LOXHD1: variants seen among roughly 807,000 people sequenced by gnomAD.
LOXHD1 encodes lipoxygenase homology domain-containing protein 1.
Under a neutral mutation model 248.2 loss-of-function variants are expected in LOXHD1, and 205 were observed. The observed-to-expected ratio is 0.83, with a 90% CI of 0.74 to 0.93. The LOEUF (loss-of-function observed/expected upper bound fraction) is 0.93. LOXHD1 is among the 40% of genes least tolerant of loss of function. The probability of loss-of-function intolerance (pLI) is 0.00; values close to 1 mark genes in which losing one functional copy is unlikely to be tolerated. For missense variants in LOXHD1, 2,930 were observed against 2,971.6 expected, an observed-to-expected ratio of 0.99 and a Z score of 0.33; for synonymous variants, 1,113 against 1,162.8, an observed-to-expected ratio of 0.96 and a Z score of 0.87.
At chr18:46,628,381 C>T (rs1266943087) in intron 4 of LOXHD1, among the ~76,000 whole-genome samples, 1 of 152,176 alleles carries the variant, frequency 6.6e-6, no homozygotes, top group Admixed American at 6.5e-5. Flanking sequence ...CCTCCCTACC[C>T]TGGAGTCCTT....
In LOXHD1 at chr18:46,541,776, A is replaced by T. The variant is rs933229702; in HGVS notation, c.3913T>A (p.Phe1305Ile). 1.3e-6 allele frequency: 2 copies of T among 1,551,532 alleles called. No individual in the cohort carries two copies. Among genetic ancestry groups the T allele is most frequent in the Non-Finnish European group, 1.7e-6 (2 of 1,146,976 alleles). Residue 1305 changes from phenylalanine (F) to isoleucine (I), a missense_variant and splice_region_variant, in exon 25 of 41, where the codon TTT (phenylalanine) becomes ATT (isoleucine). Transcript: ENST00000642948. ...AELQTRLYTP[F>I]VPYEITLYTS... ...TGGCCTTGCCGTGTGTGGTTCCTAC[A>T]TGGTGTGTACAGCCTCGTCTGAAGC...
chr18:46,543,993 G>C (rs1225854459), intron 23 of LOXHD1, among the ~76,000 whole-genome samples: 3 of 152,202 alleles, frequency 2.0e-5, no homozygotes, highest in Admixed American at 6.5e-5. Flanking sequence ...TCAGTCCTGA[G>C]ACTGCCTGTA....
intron 14 of LOXHD1, 149 bp downstream of exon 14, chr18:46,577,558 A>T (rs1441594483): frequency 1.6e-5 from 13 of 802,370 alleles, no homozygotes; most frequent in African/African-American, 5.2e-5. Flanking sequence ...AGGTCTAAGC[A>T]CCACCAGCGA....
intron 37 of LOXHD1, among the ~76,000 whole-genome samples, chr18:46,491,714 T>G (rs2033491244): frequency 6.6e-6 from 1 of 152,198 alleles, no homozygotes; most frequent in Admixed American, 6.5e-5. Flanking sequence ...CAATTACACT[T>G]TCCGGGCTCC....
chr18:46,535,614 G>C (rs2036276548), intron 26 of LOXHD1, among the ~76,000 whole-genome samples: 1 of 151,914 alleles, frequency 6.6e-6, no homozygotes, highest in Non-Finnish European at 1.5e-5. Context: ...TGTTGCCCAG[G>C]CTGGAGTGCA....
chr18:46,543,337 T>G (rs1051245945), intron 23 of LOXHD1, among the ~76,000 whole-genome samples: 3 of 152,220 alleles, frequency 2.0e-5, no homozygotes, highest in Admixed American at 6.5e-5. Flanking sequence ...AATTGTTGTA[T>G]AAGACATTAT....
chr18:46,497,673 T>C (rs1344137599), intron 37 of LOXHD1, among the ~76,000 whole-genome samples: 1 of 152,210 alleles, frequency 6.6e-6, no homozygotes, highest in South Asian at 2.1e-4. Flanking sequence ...ATATATTAAG[T>C]CCTTATTATA....
intron 21 of LOXHD1, among the ~76,000 whole-genome samples, chr18:46,550,000 CTAGT>C (rs1368684776): frequency 6.6e-6 from 1 of 152,252 alleles, no homozygotes; most frequent in East Asian, 1.9e-4. Flanking sequence ...AAAAATGCAG[CTAGT>C]TAGAGTATTG....
chr18:46,542,861 G>T lies in LOXHD1; in HGVS notation c.3620-6C>A. The T allele has an allele frequency of 6.4e-7, 1 of 1,551,616 alleles. No homozygotes were observed. Among genetic ancestry groups the T allele is most frequent in the Non-Finnish European group, 8.7e-7 (1 of 1,147,006 alleles). On this transcript the variant is annotated splice_region_variant and splice_polypyrimidine_tract_variant and intron_variant, in intron 23 of 40. Transcript: ENST00000642948. ...GGACTTCAGGAGGGTCATTCCTGTGGATCAGATGACCCCAGCATGACTGGC... is the reference window on the plus strand; with the variant it reads ...GGACTTCAGGAGGGTCATTCCTGTGTATCAGATGACCCCAGCATGACTGGC...
At chr18:46,600,899 T>C (rs1247719407) in intron 8 of LOXHD1, among the ~76,000 whole-genome samples, 1 of 152,226 alleles carries the variant, frequency 6.6e-6, no homozygotes, top group African/African-American at 2.4e-5. Context: ...TACTTTAAAA[T>C]ACTTATTGAT....
chr18:46,524,671 G>T, intron 30 of LOXHD1, 37 bp downstream of exon 30: 3 of 1,551,362 alleles, frequency 1.9e-6, no homozygotes, highest in Non-Finnish European at 2.6e-6. Context: ...CCCTAGGCAT[G>T]AGGATGGCCA....
At chr18:46,577,354 T>C (rs1457283901) in intron 14 of LOXHD1, among the ~76,000 whole-genome samples, 1 of 152,214 alleles carries the variant, frequency 6.6e-6, no homozygotes, top group African/African-American at 2.4e-5. Context: ...AAAAAAACTT[T>C]TGATTTAAAA....
chr18:46,490,811 A>G (rs2033419257), intron 37 of LOXHD1, among the ~76,000 whole-genome samples: 1 of 152,162 alleles, frequency 6.6e-6, no homozygotes, highest in Non-Finnish European at 1.5e-5. Context: ...TTCTTAACTC[A>G]ATTAATCTTT....
intron 37 of LOXHD1, among the ~76,000 whole-genome samples, chr18:46,498,739 GATCTC>G (rs944116862): frequency 1.3e-5 from 2 of 152,134 alleles, no homozygotes; most frequent in Non-Finnish European, 2.9e-5. Context: ...AATCCATGGT[GATCTC>G]ATCTCAAGAT....
chr18:46,648,188 G>A (rs1043065379), intron 2 of LOXHD1, among the ~76,000 whole-genome samples: 10 of 152,156 alleles, frequency 6.6e-5, no homozygotes, highest in Admixed American at 1.3e-4. Context: ...AACCTGGGAG[G>A]TGGAGGTTGC....
intron 15 of LOXHD1, among the ~76,000 whole-genome samples, chr18:46,569,979 C>T (rs1461835675): frequency 1.3e-5 from 2 of 152,232 alleles, no homozygotes; most frequent in Non-Finnish European, 2.9e-5. Flanking sequence ...TCTGGTCTAG[C>T]TTCTCTGACA....
At chr18:46,591,793 G>A in intron 12 of LOXHD1, 140 bp downstream of exon 12, 1 of 1,038,112 alleles carries the variant, frequency 9.6e-7, no homozygotes, top group South Asian at 1.6e-5. Context: ...TTGAGGCAGG[G>A]ACCTTCCAAA....
At chr18:46,650,374 G>A (rs1209846349) in intron 1 of LOXHD1, among the ~76,000 whole-genome samples, 2 of 152,010 alleles carry the variant, frequency 1.3e-5, no homozygotes, top group African/African-American at 2.4e-5. Context: ...AAATATTTGG[G>A]GCATATGATC....
chr18:46,490,899 C>T (rs1297167132), intron 37 of LOXHD1, among the ~76,000 whole-genome samples: 1 of 152,218 alleles, frequency 6.6e-6, no homozygotes, highest in African/African-American at 2.4e-5. Context: ...CTGATAGTGT[C>T]ATGAAGATGA....
Sources: allele counts gnomAD v4.1 joint callset (sites outside exome capture counted in the v4.1 genomes callset), GRCh38; gene constraint gnomAD v4.1.1; transcripts MANE v1.5; gene names NCBI Gene and HGNC (gene_info 2026-07-23, HGNC 2026-07-21).